SPON2: variants seen among roughly 807,000 people sequenced by gnomAD.
SPON2 encodes the protein spondin 2, also known as spondin-2.
Under a neutral mutation model 29.9 loss-of-function variants are expected in SPON2, and 32 were observed. The observed-to-expected ratio is 1.07, with a 90% confidence interval of 0.81 to 1.44. The LOEUF (loss-of-function observed/expected upper bound fraction) is 1.44. Ranked by LOEUF, SPON2 falls within the 40% of genes most tolerant of loss-of-function variation. SPON2 has a pLI of 0.00. For missense variants in SPON2, 541 were observed against 455.5 expected (o/e 1.19, Z -1.71); for synonymous variants, 248 against 209.1 (o/e 1.19, Z -1.61).
rs1201184526 is a variant in SPON2 at position 1,167,313 on chromosome 4, C to T, written c.*159G>A. 1 of 698,528 alleles carries T rather than the reference C, an allele frequency of 1.4e-6. No homozygotes were observed. Among genetic ancestry groups the T allele is most frequent in the African/African-American group, 1.8e-5 (1 of 55,076 alleles). 43.3% of individuals were successfully genotyped at this position (698,528 alleles called of 1,614,324 possible). ...GTTTCCCAATGCCCGTGCCGGCCAC[C>T]AGAGGGCCCTTCAGTGCAGAGATGG... On this transcript the variant is annotated 3_prime_UTR_variant, in exon 6 of 6. Coordinates refer to ENST00000290902, the MANE Select transcript of SPON2 (RefSeq NM_012445.4).
rs536473061 is a variant in SPON2 at position 1,202,484 on chromosome 4, A to T, written c.-234+5396T>A. ...AGCATTCTCTAGAGGGACAGGACTC[A>T]TAGGATACATGAACAGGGGATGATC... On this transcript the variant is annotated intron_variant, in intron 1 of 3. Transcript: ENST00000509233. This position sits in a 1 kb window ranked among gnomAD's most constrained non-coding sequence, Gnocchi z 5.4. Among the ~76,000 whole-genome samples, 154 of 152,328 alleles carry T rather than the reference A, an allele frequency of 1.0e-3. No individual in the cohort carries two copies. The highest frequency in any genetic ancestry group is 1.9e-3 in the Non-Finnish European group (126 of 68,018).
At chr4:1,199,989 C>G (rs956643726), upstream of SPON2, 13 of 152,388 alleles carry the variant, frequency 8.5e-5, no homozygotes, top group Non-Finnish European at 1.9e-4. The surrounding 1 kb of genome is among the most constrained non-coding windows in gnomAD (Gnocchi z 4.5). Flanking sequence ...CAGCCTGAAG[C>G]CCAGCCTCCA....
At position 1,171,106 on chromosome 4, in the gene SPON2, G is replaced by T. The variant is rs764512800; in HGVS notation, c.529C>A (p.Arg177=). The change falls in exon 4 of 6, where the codon CGG becomes AGG. Residue 177 remains arginine, a synonymous_variant. Coordinates refer to ENST00000290902, the MANE Select transcript of SPON2 (RefSeq NM_012445.4). Reference sequence around the variant, plus strand: ...TACAGGTCCAGCGCCGCCTGTTCCCGCCAACGGTCCCCGTCGCACAGGTCC... The same window carrying T: ...TACAGGTCCAGCGCCGCCTGTTCCCTCCAACGGTCCCCGTCGCACAGGTCC... ...SLDLCDGDRW[R]EQAALDLYPY... 1 of 1,550,892 alleles carries T rather than the reference G, an allele frequency of 6.4e-7. No individual in the cohort carries two copies. The highest frequency in any genetic ancestry group is 1.2e-5 in the South Asian group (1 of 84,052).
Position 1,170,153 on chromosome 4 carries a change from C to A in SPON2, c.811+249G>T, listed in dbSNP as rs983301074. ...CAGGACAGAGTCTCTCAGGTACTGT[C>A]TGGAGCCTCCTTTCATTCTTTCCTC... On this transcript the variant is annotated intron_variant, in intron 5 of 5. Coordinates refer to ENST00000290902, the MANE Select transcript of SPON2 (RefSeq NM_012445.4). 20 of 483,364 alleles carry A rather than the reference C, an allele frequency of 4.1e-5. 1 individual carries two copies. In the South Asian group the frequency reaches 4.9e-4, roughly 12 times the overall value. 29.9% of individuals were successfully genotyped at this position (483,364 alleles called of 1,614,324 possible).
chr4:1,170,658 CCCAGCGT>C (rs1257266014), intron 4 of SPON2, 82 bp from the exon 5 acceptor site: 4 of 1,459,486 alleles, frequency 2.7e-6, no homozygotes, highest in Non-Finnish European at 3.8e-6. Flanking sequence ...GGGGCCACTG[CCCAGCGT>C]CCAGCGTGCC....
chr4:1,171,972 T>C lies in SPON2; in HGVS notation c.100A>G (p.Ile34Val), dbSNP rs1364678128. Residue 34 changes from isoleucine to valine, a missense_variant, in exon 2 of 6, where the codon ATC (isoleucine) becomes GTC (valine). Ile to Val is a conservative substitution (Grantham distance 29). Transcript: ENST00000290902. ...AAGQPLGGES[I>V]CSARALAKYS... ...TTGGCCAGGGCTCTGGCGGAACAGA[T>C]GGACTCTCCCCCAAGAGGCTGGCCG... The C allele has an allele frequency of 3.1e-6, 5 of 1,612,882 alleles. No homozygotes were observed. The highest frequency in any genetic ancestry group is 1.3e-5 in the African/African-American group (1 of 75,010).
At position 1,201,452 on chromosome 4, in the gene SPON2, G is replaced by A. The variant is rs1577000271; in HGVS notation, c.-234+6428C>T. 5 of 205,000 alleles carry A rather than the reference G, an allele frequency of 2.4e-5. No homozygotes were observed. The South Asian group carries it at 3.3e-4, about 14-fold the overall frequency. The allele number at this position is 205,000 out of a possible 1,614,324, so 12.7% of individuals were successfully genotyped here. A position where few individuals can be genotyped will look rare whatever the true frequency, so the allele number is the denominator to read the frequency against. On this transcript the variant is annotated intron_variant, in intron 1 of 3. Transcript: ENST00000509233. ...GAACAGCCCCCAAACCACGCAGGGA[G>A]GGAGGAGGCCCTGAGAGAGAAGGTG...
In SPON2 at chr4:1,171,065, C is replaced by T. The variant is rs1448345260; in HGVS notation, c.570G>A (p.Gly190=). Residue 190 remains glycine, a synonymous_variant, in exon 4 of 6, where the codon GGG becomes GGA. Transcript: ENST00000290902. ...AGGAGAAGGTGAAGCCGCTGTCCGTCCCGGCGTCGTAGGGGTACAGGTCCA... is the reference window on the plus strand; with the variant it reads ...AGGAGAAGGTGAAGCCGCTGTCCGTTCCGGCGTCGTAGGGGTACAGGTCCA... ...AALDLYPYDA[G]TDSGFTFSSP... is the part of the protein sequence containing the mutation. 1 of 1,549,884 alleles carries T rather than the reference C, an allele frequency of 6.5e-7. No homozygotes were observed. Among genetic ancestry groups the T allele is most frequent in the Non-Finnish European group, 8.7e-7 (1 of 1,146,436 alleles).
chr4:1,201,337 C>G (rs1187889777), intron 1 of SPON2: 1 of 347,038 alleles, frequency 2.9e-6, no homozygotes, highest in African/African-American at 2.1e-5. Flanking sequence ...CCCTTGCTCG[C>G]TTCCCTGAAG....
chr4:1,172,507 G>C (rs1416863798), intron 1 of SPON2, 37 bp downstream of exon 1: 1 of 212,072 alleles, frequency 4.7e-6, no homozygotes, highest in African/African-American at 2.4e-5. Flanking sequence ...GGAGGCCCGG[G>C]CCCTCTCTGG....
chr4:1,201,189 T>TC (rs752270226), intron 1 of SPON2: 35 of 446,756 alleles, frequency 7.8e-5, no homozygotes, highest in African/African-American at 5.8e-4. Flanking sequence ...CTCCAGCCCC[T>TC]CCCCCCGCAG....
intron 2 of SPON2, 180 bp downstream of exon 2, chr4:1,171,672 C>G (rs1021821820): frequency 1.3e-6 from 1 of 771,208 alleles, no homozygotes; most frequent in African/African-American, 1.7e-5. Context: ...CGTGAGCGCC[C>G]CCTGCCCCCA....
At position 1,171,952 on chromosome 4, in the gene SPON2, CA is replaced by C. The variant is rs1486823974; in HGVS notation, c.119del (p.Leu40ArgfsTer67). 6.2e-7 allele frequency: 1 copy of C among 1,612,880 alleles called. No individual in the cohort carries two copies. Among genetic ancestry groups the C allele is most frequent in the Non-Finnish European group, 8.5e-7 (1 of 1,179,850 alleles). On this transcript the variant is annotated frameshift_variant, in exon 2 of 6. Transcript: ENST00000290902. LOFTEE classifies it high-confidence loss of function. ...GGESICSARALAKYSITFTGK... is the reference protein window; with the variant it reads ...GGESICSARAXAKYSITFTGK... ...CCGTGAAGGTGATGCTGTATTTGGC[CA>C]GGGCTCTGGCGGAACAGATGGACTC... is the stretch of plus-strand genomic sequence containing the variant.
chr4:1,167,679 C>G, intron 5 of SPON2, 23 bp from the exon 6 acceptor site: 1 of 1,558,224 alleles, frequency 6.4e-7, no homozygotes, highest in East Asian at 2.3e-5. Flanking sequence ...AAGGGGAGAC[C>G]GAGGTGAACG....
At chr4:1,171,734 A>T in intron 2 of SPON2, 118 bp downstream of exon 2, 2 of 837,524 alleles carry the variant, frequency 2.4e-6, no homozygotes, top group Non-Finnish European at 3.9e-6. Context: ...TTCTGGTGTT[A>T]GAGTCTCCCG....
chr4:1,175,925 G>A (rs1261012565), upstream of SPON2, among the ~76,000 whole-genome samples: 1 of 152,146 alleles, frequency 6.6e-6, no homozygotes, highest in African/African-American at 2.4e-5. Context: ...CAGCCAGGAG[G>A]AACTTCCTTT....
chr4:1,203,264 C>G (rs1437073507), intron 1 of SPON2, among the ~76,000 whole-genome samples: 1 of 152,196 alleles, frequency 6.6e-6, no homozygotes, highest in Non-Finnish European at 1.5e-5. Context: ...CCCAGCTGTG[C>G]CCTCGCCCCC....
chr4:1,186,397 G>A lies in SPON2; in HGVS notation c.-238-6856C>T, dbSNP rs531579858. Among the ~76,000 whole-genome samples, 19 of 151,648 alleles carry A rather than the reference G, an allele frequency of 1.3e-4. No individual in the cohort carries two copies. The East Asian group carries it at 3.1e-3, about 25-fold the overall frequency. On this transcript the variant is annotated intron_variant, in intron 1 of 3. Transcript: ENST00000502483. The stretch of plus-strand genomic sequence containing the variant: ...TGGCTCACTGCAACTTCTGCCTCTC[G>A]GGTTCCAGCAATTCTCCTGTCTCAA...
Position 1,188,080 on chromosome 4 carries a change from G to A in SPON2, c.-239+6910C>T, listed in dbSNP as rs928005953. Among the ~76,000 whole-genome samples, 50 of 151,172 alleles carry A rather than the reference G, an allele frequency of 3.3e-4. No individual in the cohort carries two copies. In the Middle Eastern group the frequency reaches 0.014, roughly 42 times the overall value. On this transcript the variant is annotated intron_variant, in intron 1 of 3. Coordinates refer to the SPON2 transcript ENST00000502483. Reference sequence around the variant, plus strand: ...AAAAAAATTAGCCAGGCGTGGTGGCGGGTGCCTGTAATCCCAGCTACTCAG... The same window carrying A: ...AAAAAAATTAGCCAGGCGTGGTGGCAGGTGCCTGTAATCCCAGCTACTCAG...
Sources: allele counts gnomAD v4.1 joint callset (sites outside exome capture counted in the v4.1 genomes callset), GRCh38; gene constraint gnomAD v4.1.1; non-coding constraint Gnocchi (gnomAD v3.1); transcripts MANE v1.5; gene names NCBI Gene and HGNC (gene_info 2026-07-23, HGNC 2026-07-21).